Variants in ME1 observed in about 807,000 individuals in gnomAD.
ME1 encodes malic enzyme 1, also known as NADP-dependent malic enzyme.
Under a neutral mutation model 66.4 loss-of-function variants are expected in ME1, and 74 were observed. That is an observed-to-expected ratio of 1.11 (90% confidence interval 0.92 to 1.35). The LOEUF is 1.35. ME1 is among the 40% of genes most tolerant of loss of function. The probability of loss-of-function intolerance (pLI) is 0.00; values close to 1 mark genes in which losing one functional copy is unlikely to be tolerated. For synonymous variants in ME1, 251 were observed against 235.6 expected, an observed-to-expected ratio of 1.07 and a Z score of -0.60; for missense variants, 750 against 694.1, an observed-to-expected ratio of 1.08 and a Z score of -0.90.
intron 13 of ME1, among the ~76,000 whole-genome samples, chr6:83,214,699 C>T (rs528939593): frequency 6.6e-6 from 1 of 152,212 alleles, no homozygotes; most frequent in Non-Finnish European, 1.5e-5. Context: ...CCAGTTACCA[C>T]ATGCAGAAGA....
At chr6:83,343,443 A>G (rs1304485991) in intron 5 of ME1, among the ~76,000 whole-genome samples, 1 of 152,218 alleles carries the variant, frequency 6.6e-6, no homozygotes, top group African/African-American at 2.4e-5. Context: ...CAAAGAGTTA[A>G]AGGTTCACCA....
intron 3 of ME1, among the ~76,000 whole-genome samples, chr6:83,359,486 T>TG (rs142336975): frequency 0.025 from 3,758 of 152,268 alleles, 157 homozygotes; most frequent in East Asian, 0.16. Flanking sequence ...TTTATTGATT[T>TG]GGGGCCACTA....
At chr6:83,343,954 C>CT (rs1034279090) in intron 5 of ME1, among the ~76,000 whole-genome samples, 2 of 151,614 alleles carry the variant, frequency 1.3e-5, no homozygotes, top group Admixed American at 6.6e-5. Flanking sequence ...TAGTGCACAG[C>CT]TTTTTTTTAA....
intron 11 of ME1, among the ~76,000 whole-genome samples, chr6:83,226,119 A>G (rs1013885366): frequency 2.0e-5 from 3 of 152,052 alleles, no homozygotes; most frequent in African/African-American, 7.2e-5. Flanking sequence ...TTTTTCTCCA[A>G]TCCTTTAGCC....
intron 1 of ME1, among the ~76,000 whole-genome samples, chr6:83,426,707 T>A (rs1454313538): frequency 6.6e-6 from 1 of 152,176 alleles, no homozygotes; most frequent in Non-Finnish European, 1.5e-5. Context: ...AAGTTAGTAA[T>A]GATGACCCAA....
At chr6:83,262,404 C>T (rs1477531994) in intron 6 of ME1, among the ~76,000 whole-genome samples, 2 of 152,160 alleles carry the variant, frequency 1.3e-5, no homozygotes, top group African/African-American at 4.8e-5. Context: ...CTTTTATAAA[C>T]TCCATGTGCA....
chr6:83,228,106 A>C (rs1162957944), intron 10 of ME1, among the ~76,000 whole-genome samples: 10 of 152,240 alleles, frequency 6.6e-5, no homozygotes, highest in Non-Finnish European at 1.3e-4. Flanking sequence ...GCTTGTAGGA[A>C]TGGAGTATAA....
intron 1 of ME1, among the ~76,000 whole-genome samples, chr6:83,422,999 C>A (rs934795692): frequency 1.3e-5 from 2 of 151,936 alleles, no homozygotes; most frequent in Non-Finnish European, 2.9e-5. Flanking sequence ...CTTACAGAAT[C>A]AGGAAGCTCA....
chr6:83,368,993 C>T (rs943354692), intron 3 of ME1, among the ~76,000 whole-genome samples: 2 of 152,068 alleles, frequency 1.3e-5, no homozygotes, highest in African/African-American at 4.8e-5. Flanking sequence ...TGAAGAAATC[C>T]TCCTTCCAAA....
chr6:83,277,931 T>C (rs1767218806), intron 6 of ME1, among the ~76,000 whole-genome samples: 1 of 150,802 alleles, frequency 6.6e-6, no homozygotes, highest in African/African-American at 2.4e-5. Context: ...ATAATAATAT[T>C]TGGAATTCAA....
intron 9 of ME1, among the ~76,000 whole-genome samples, chr6:83,229,758 T>A (rs1790262780): frequency 6.6e-6 from 1 of 152,222 alleles, no homozygotes; most frequent in African/African-American, 2.4e-5. Flanking sequence ...TATGTCATAG[T>A]CTTTGCAAAT....
At chr6:83,356,690 T>C (rs915930802) in intron 3 of ME1, among the ~76,000 whole-genome samples, 3 of 152,168 alleles carry the variant, frequency 2.0e-5, no homozygotes, top group African/African-American at 4.8e-5. Context: ...CAGATCAATA[T>C]GATCATTAAG....
intron 7 of ME1, among the ~76,000 whole-genome samples, chr6:83,243,500 G>T (rs1355646375): frequency 5.9e-5 from 7 of 119,018 alleles, no homozygotes; most frequent in African/African-American, 1.0e-4. Flanking sequence ...ATGTTATATT[G>T]ATATAATCTA....
At chr6:83,369,728 T>G (rs1274784096) in intron 3 of ME1, among the ~76,000 whole-genome samples, 1 of 144,920 alleles carries the variant, frequency 6.9e-6, no homozygotes, top group African/African-American at 2.5e-5. Context: ...AGGAAGGAAA[T>G]AAATGAAATC....
At chr6:83,232,849 C>A (rs1252871078) in intron 9 of ME1, among the ~76,000 whole-genome samples, 1 of 151,994 alleles carries the variant, frequency 6.6e-6, no homozygotes, top group Non-Finnish European at 1.5e-5. Flanking sequence ...CTTTATTGAC[C>A]ATCTCTTTCT....
chr6:83,262,104 A>G (rs1766911034), intron 6 of ME1, among the ~76,000 whole-genome samples: 2 of 152,118 alleles, frequency 1.3e-5, no homozygotes, highest in African/African-American at 4.8e-5. Context: ...TTTACATTTT[A>G]ATAGGCAACC....
At chr6:83,356,356 G>T (rs143992640) in intron 3 of ME1, among the ~76,000 whole-genome samples, 4 of 152,128 alleles carry the variant, frequency 2.6e-5, no homozygotes, top group Non-Finnish European at 4.4e-5. Flanking sequence ...TTAAGCCAAC[G>T]CTGAGTTATA....
chr6:83,362,133 G>A (rs138648265), intron 3 of ME1, among the ~76,000 whole-genome samples: 8 of 152,328 alleles, frequency 5.3e-5, no homozygotes, highest in African/African-American at 1.7e-4. Flanking sequence ...CTTCCCAGTG[G>A]GCAGAACCTC....
chr6:83,319,796 C>A (rs1205618647), intron 5 of ME1, among the ~76,000 whole-genome samples: 2 of 152,126 alleles, frequency 1.3e-5, no homozygotes, highest in Non-Finnish European at 1.5e-5. Context: ...GCAACATGTG[C>A]CCAGTTAGAT....
Sources: allele counts gnomAD v4.1 joint callset (sites outside exome capture counted in the v4.1 genomes callset), GRCh38; gene constraint gnomAD v4.1.1; transcripts MANE v1.5; gene names NCBI Gene and HGNC (gene_info 2026-07-23, HGNC 2026-07-21).